MMP24: variants seen among roughly 807,000 people sequenced by gnomAD.
MMP24 encodes the protein matrix metallopeptidase 24.
Under a neutral mutation model 62.8 loss-of-function variants are expected in MMP24, and 25 were observed. That is an observed-to-expected ratio of 0.40 (90% CI 0.29 to 0.56). The LOEUF is 0.56. MMP24 is among the 20% of genes least tolerant of loss of function. The pLI, the probability that MMP24 is intolerant of heterozygous loss-of-function variation, is 0.50. For synonymous variants in MMP24, 319 were observed against 350.5 expected (o/e 0.91, Z 1.00); for missense variants, 634 against 853.6 (o/e 0.74, Z 3.21).
At chr20:35,240,410 C>T (rs960851151) in intron 1 of MMP24, among the ~76,000 whole-genome samples, 1 of 151,956 alleles carries the variant, frequency 6.6e-6, no homozygotes, top group African/African-American at 2.4e-5. Flanking sequence ...TGGGTTTACA[C>T]CTCTTTCTGC....
chr20:35,260,978 G>A (rs1008926241), intron 4 of MMP24, among the ~76,000 whole-genome samples: 1 of 152,170 alleles, frequency 6.6e-6, no homozygotes, highest in East Asian at 1.9e-4. Context: ...CAGCCTCCCT[G>A]GACTTACAGG....
At chr20:35,273,271 C>T (rs977217584) in intron 8 of MMP24, among the ~76,000 whole-genome samples, 1 of 151,900 alleles carries the variant, frequency 6.6e-6, no homozygotes, top group Non-Finnish European at 1.5e-5. Flanking sequence ...TGACATGTGC[C>T]TGTAGTCCCA....
intron 1 of MMP24, among the ~76,000 whole-genome samples, chr20:35,237,171 T>C (rs748934438): frequency 2.0e-5 from 3 of 152,184 alleles, no homozygotes; most frequent in Non-Finnish European, 4.4e-5. Flanking sequence ...CACAAACTTA[T>C]TTCTAAAAGC....
At chr20:35,256,529 G>A (rs1478516318) in intron 4 of MMP24, 1 of 152,004 alleles carries the variant, frequency 6.6e-6, no homozygotes, top group Admixed American at 6.6e-5. Flanking sequence ...AGACCAGCCT[G>A]GCCAACATGG....
intron 1 of MMP24, among the ~76,000 whole-genome samples, chr20:35,235,441 A>G (rs2060458245): frequency 6.6e-6 from 1 of 152,166 alleles, no homozygotes; most frequent in Non-Finnish European, 1.5e-5. Context: ...CACACTTGTA[A>G]TCCCAGCACT....
chr20:35,248,240 G>T (rs1033544023), intron 2 of MMP24, among the ~76,000 whole-genome samples: 1 of 151,810 alleles, frequency 6.6e-6, no homozygotes, highest in Non-Finnish European at 1.5e-5. Context: ...ATCTCTCTGG[G>T]TCTCAGTGTG....
chr20:35,251,543 G>A (rs1311087704), intron 2 of MMP24, among the ~76,000 whole-genome samples: 4 of 152,142 alleles, frequency 2.6e-5, no homozygotes, highest in African/African-American at 7.2e-5. Context: ...CCTTGAAGAC[G>A]CACCTCCACC....
At chr20:35,263,557 A>G in intron 4 of MMP24, 1 of 375,764 alleles carries the variant, frequency 2.7e-6, no homozygotes, top group East Asian at 4.2e-5. Context: ...CCTCCCAGAC[A>G]TTCTTAAAGC....
At chr20:35,264,596 T>C (rs1385756381) in intron 5 of MMP24, among the ~76,000 whole-genome samples, 2 of 148,922 alleles carry the variant, frequency 1.3e-5, no homozygotes, top group Non-Finnish European at 1.5e-5. Flanking sequence ...AAATCTCAGC[T>C]ACTTGGGAGG....
At chr20:35,244,849 A>C (rs1252738823) in intron 1 of MMP24, among the ~76,000 whole-genome samples, 9 of 152,164 alleles carry the variant, frequency 5.9e-5, no homozygotes, top group Non-Finnish European at 1.5e-5. Context: ...CTCTTTAAAA[A>C]AATCACTCCA....
intron 2 of MMP24, 93 bp downstream of exon 2, chr20:35,247,081 C>A: frequency 2.1e-6 from 3 of 1,426,082 alleles, no homozygotes; most frequent in African/African-American, 1.4e-5. Flanking sequence ...CATGCCCATC[C>A]TCCCTTCCTA....
intron 1 of MMP24, among the ~76,000 whole-genome samples, chr20:35,229,142 T>A (rs1412473759): frequency 6.6e-6 from 1 of 152,236 alleles, no homozygotes; most frequent in Non-Finnish European, 1.5e-5. Flanking sequence ...ACCTTGACGT[T>A]TGTCTGCCAT....
intron 5 of MMP24, among the ~76,000 whole-genome samples, chr20:35,266,351 C>CA (rs3055615): frequency 0.086 from 4,802 of 55,688 alleles, 235 homozygotes; most frequent in African/African-American, 0.1. Flanking sequence ...GACTCCTTCT[C>CA]AAAAAAAAAA....
chr20:35,241,200 C>T (rs1330868300), intron 1 of MMP24, among the ~76,000 whole-genome samples: 1 of 152,182 alleles, frequency 6.6e-6, no homozygotes, highest in African/African-American at 2.4e-5. Flanking sequence ...CCAGAGAAGG[C>T]AGAGGATTGT....
At chr20:35,227,126 C>G in intron 1 of MMP24, 142 bp downstream of exon 1, 1 of 634,872 alleles carries the variant, frequency 1.6e-6, no homozygotes, top group Non-Finnish European at 2.0e-6. Flanking sequence ...GCCTTGGGTC[C>G]GGGCTGGCGC....
chr20:35,242,467 C>G (rs1306492543), intron 1 of MMP24, among the ~76,000 whole-genome samples: 1 of 152,152 alleles, frequency 6.6e-6, no homozygotes, highest in Non-Finnish European at 1.5e-5. Context: ...CATCCCCATG[C>G]TCAACAAATA....
chr20:35,264,169 TG>T (rs1189743310), intron 5 of MMP24: 2 of 431,734 alleles, frequency 4.6e-6, no homozygotes, highest in African/African-American at 4.1e-5. Context: ...GGGTCTGAGC[TG>T]TAACTGAGAG....
Position 35,251,929 on chromosome 20 carries a change from T to C in MMP24, c.420T>C (p.Gly140=), listed in dbSNP as rs1000389208. The C allele has an allele frequency of 1.1e-5, 18 of 1,613,854 alleles. No homozygotes were observed. The African/African-American group carries it at 2.4e-4, about 22-fold the overall frequency. Residue 140 remains glycine, a synonymous_variant, in exon 3 of 9, where the codon GGT becomes GGC. Transcript: ENST00000246186. ...GGTGGATGAAGAAACCCCGATGTGG[T>C]GTCCCTGATCACCCCCACTTAAGCC... The part of the protein sequence containing the change: ...TIEWMKKPRC[G]VPDHPHLSRR...
chr20:35,232,715 C>T (rs2146199505), intron 1 of MMP24, among the ~76,000 whole-genome samples: 1 of 152,298 alleles, frequency 6.6e-6, no homozygotes, highest in East Asian at 1.9e-4. Context: ...TTTGATGTGC[C>T]TGAATCATCA....
Sources: allele counts gnomAD v4.1 joint callset (sites outside exome capture counted in the v4.1 genomes callset), GRCh38; gene constraint gnomAD v4.1.1; transcripts MANE v1.5; gene names NCBI Gene and HGNC (gene_info 2026-07-23, HGNC 2026-07-21).